Variants in CACNA1I observed in about 807,000 individuals in gnomAD.
The protein encoded by CACNA1I is voltage-dependent T-type calcium channel subunit alpha-1I.
Under a neutral mutation model 201.6 loss-of-function variants are expected in CACNA1I, and 74 were observed. The ratio of observed to expected loss-of-function variants is 0.37; its 90% confidence interval spans 0.30 to 0.45. CACNA1I has a LOEUF of 0.45. Among genes scored for constraint, CACNA1I ranks in the 20% least tolerant of loss-of-function variants. The pLI is 1.00. For synonymous variants in CACNA1I, 1,431 were observed against 1,345.2 expected, an observed-to-expected ratio of 1.06 and a Z score of -1.40; for missense variants, 2,346 against 3,138.1, an observed-to-expected ratio of 0.75 and a Z score of 6.03.
chr22:39,682,138 A>T (rs954148046), intron 34 of CACNA1I, among the ~76,000 whole-genome samples: 1 of 152,158 alleles, frequency 6.6e-6, no homozygotes, highest in Non-Finnish European at 1.5e-5. Flanking sequence ...CTCTCCTTGG[A>T]TGCAGAAACA....
chr22:39,627,667 C>T (rs989902434), intron 4 of CACNA1I, among the ~76,000 whole-genome samples: 3 of 152,208 alleles, frequency 2.0e-5, no homozygotes, highest in South Asian at 2.1e-4. Context: ...AAATAGTTGG[C>T]GTGGAAGTGT....
At chr22:39,655,990 C>T (rs1248870190) in intron 10 of CACNA1I, among the ~76,000 whole-genome samples, 2 of 152,160 alleles carry the variant, frequency 1.3e-5, no homozygotes, top group African/African-American at 4.8e-5. Context: ...TTCATCTCCG[C>T]GGACATCGCT....
chr22:39,651,723 G>A (rs2146433570), intron 10 of CACNA1I, among the ~76,000 whole-genome samples: 1 of 152,330 alleles, frequency 6.6e-6, no homozygotes, highest in South Asian at 2.1e-4. Flanking sequence ...AGCTGGTGAG[G>A]GCCAATTTCC....
intron 1 of CACNA1I, among the ~76,000 whole-genome samples, chr22:39,584,622 A>G (rs2082353975): frequency 6.6e-6 from 1 of 152,152 alleles, no homozygotes; most frequent in African/African-American, 2.4e-5. Context: ...GGAGGAAGAC[A>G]AGTCTAGGGG....
chr22:39,660,580 A>G (rs756583312), intron 15 of CACNA1I, 143 bp downstream of exon 15: 16 of 582,450 alleles, frequency 2.7e-5, no homozygotes, highest in Admixed American at 6.5e-5. Context: ...TACGTTCATA[A>G]TTGGAAAAAA....
intron 4 of CACNA1I, among the ~76,000 whole-genome samples, chr22:39,627,666 G>A (rs537816009): frequency 6.7e-4 from 102 of 152,348 alleles, no homozygotes; most frequent in African/African-American, 2.4e-3. Context: ...GAAATAGTTG[G>A]CGTGGAAGTG....
chr22:39,660,533 A>C (rs1397456278), intron 15 of CACNA1I, 96 bp downstream of exon 15: 1 of 726,274 alleles, frequency 1.4e-6, no homozygotes, highest in East Asian at 2.8e-5. Flanking sequence ...CCTCAAGCCC[A>C]GGCTCAGGGA....
chr22:39,640,408 G>A (rs1381510658), intron 5 of CACNA1I, among the ~76,000 whole-genome samples: 2 of 152,220 alleles, frequency 1.3e-5, no homozygotes, highest in South Asian at 2.1e-4. Flanking sequence ...AAAAAGAAAC[G>A]AAGTCTAGAG....
intron 7 of CACNA1I, among the ~76,000 whole-genome samples, chr22:39,644,773 G>C (rs902204144): frequency 6.6e-6 from 1 of 151,368 alleles, no homozygotes; most frequent in African/African-American, 2.4e-5. Flanking sequence ...CTGCAGCCTT[G>C]ATCTCCTGGG....
chr22:39,644,272 G>T (rs1934421328), intron 7 of CACNA1I, among the ~76,000 whole-genome samples: 1 of 152,316 alleles, frequency 6.6e-6, no homozygotes, highest in Non-Finnish European at 1.5e-5. Flanking sequence ...GTGGGGTTAA[G>T]GGTGGCTAAG....
intron 5 of CACNA1I, among the ~76,000 whole-genome samples, chr22:39,636,770 A>C (rs1402075703): frequency 6.6e-6 from 1 of 152,210 alleles, no homozygotes; most frequent in Non-Finnish European, 1.5e-5. Context: ...GGGCAGGGGA[A>C]TTCCTCAAAG....
intron 3 of CACNA1I, among the ~76,000 whole-genome samples, chr22:39,603,590 A>G (rs1052175161): frequency 6.6e-6 from 1 of 151,946 alleles, no homozygotes; most frequent in Admixed American, 6.6e-5. Flanking sequence ...TACAATATTC[A>G]CCTGAATCTC....
chr22:39,601,537 G>T (rs536682888), intron 3 of CACNA1I, among the ~76,000 whole-genome samples: 1 of 152,158 alleles, frequency 6.6e-6, no homozygotes, highest in Non-Finnish European at 1.5e-5. Context: ...TAGGGCAGAG[G>T]AGAGAGAAAA....
chr22:39,680,456 G>T (rs1272868800), intron 33 of CACNA1I, among the ~76,000 whole-genome samples: 2 of 152,188 alleles, frequency 1.3e-5, no homozygotes, highest in Non-Finnish European at 2.9e-5. Flanking sequence ...GGAACCATCA[G>T]CAGGAGCTGG....
Position 39,686,361 on chromosome 22 carries a change from G to T in CACNA1I, c.6628G>T (p.Gly2210Ter). The T allele has an allele frequency of 7.6e-7, 1 of 1,310,370 alleles. No homozygotes were observed. The highest frequency in any genetic ancestry group is 9.7e-7 in the Non-Finnish European group (1 of 1,027,384). The allele number at this position is 1,310,370 out of a possible 1,614,324, so 81.2% of individuals were successfully genotyped here. A position where few individuals can be genotyped will look rare whatever the true frequency, so the allele number is the denominator to read the frequency against. ...PLAPPPQPLP[G>*]ELEPGDAASK... ...GGCGCCCCCGCCGCAACCGCTCCCCGGAGAGCTGGAGCCGGGAGACGCCGC... is the reference window on the plus strand; with the variant it reads ...GGCGCCCCCGCCGCAACCGCTCCCCTGAGAGCTGGAGCCGGGAGACGCCGC... The change falls in exon 37 of 37, where the codon GGA becomes TGA. Residue 2210 changes from glycine (G) to a stop codon, truncating the protein, a stop_gained. Coordinates refer to ENST00000402142, the MANE Select transcript of CACNA1I (RefSeq NM_021096.4). LOFTEE classifies it high-confidence loss of function.
At position 39,659,428 on chromosome 22, in the gene CACNA1I, C is replaced by G; in HGVS notation, c.2331-5C>G. ...TCCGATGAGCCTCTTCCATCCTTTC[C>G]CCAGCATCCTTGGGATGCATATTTT... On this transcript the variant is annotated splice_region_variant and splice_polypyrimidine_tract_variant and intron_variant, in intron 12 of 36. Transcript: ENST00000402142. The surrounding 1 kb of genome is among the most constrained non-coding windows in gnomAD (Gnocchi z 4.3). The G allele has an allele frequency of 6.5e-7, 1 of 1,536,828 alleles. No individual in the cohort carries two copies. The highest frequency in any genetic ancestry group is 8.8e-7 in the Non-Finnish European group (1 of 1,131,868).
intron 3 of CACNA1I, among the ~76,000 whole-genome samples, chr22:39,606,907 T>C (rs1933236804): frequency 6.6e-6 from 1 of 152,254 alleles, no homozygotes; most frequent in Non-Finnish European, 1.5e-5. Flanking sequence ...AACTATTCAA[T>C]CACATTCTTG....
intron 3 of CACNA1I, among the ~76,000 whole-genome samples, chr22:39,603,062 GGCTGGGCTCCTT>G (rs1933114585): frequency 6.6e-6 from 1 of 152,084 alleles, no homozygotes; most frequent in African/African-American, 2.4e-5. Context: ...TGAGGCTGGA[GGCTGGGCTCCTT>G]GAGCCCAGGA....
In CACNA1I at chr22:39,643,923, G is replaced by C. The variant is rs549316891; in HGVS notation, c.1149+1034G>C. ...GAGCAGTGAGTAAGGCCCAGCCCCT[G>C]TCCTCGAGGAGCTCACAGGCTCGTG... On this transcript the variant is annotated intron_variant, in intron 7 of 36. Coordinates refer to ENST00000402142, the MANE Select transcript of CACNA1I (RefSeq NM_021096.4). Among the ~76,000 whole-genome samples the C allele has an allele frequency of 2.6e-5, 4 of 152,370 alleles. No individual in the cohort carries two copies. In the South Asian group the frequency reaches 8.3e-4, roughly 32 times the overall value.
Sources: gnomAD v4.1 joint callset for allele counts (sites outside exome capture counted in the v4.1 genomes callset) on GRCh38, gnomAD v4.1.1 for gene constraint, Gnocchi (gnomAD v3.1) non-coding constraint, MANE v1.5 for transcripts, NCBI Gene and HGNC (gene_info 2026-07-23, HGNC 2026-07-21) for gene names.